DSCAML1: variants seen among roughly 807,000 people sequenced by gnomAD.
The protein encoded by DSCAML1 is cell adhesion molecule DSCAML1.
In DSCAML1, 38 loss-of-function variants were observed where a neutral mutation model predicts 200.5. That is an observed-to-expected ratio of 0.19 (90% CI 0.15 to 0.25). The LOEUF is 0.25. Ranked by LOEUF, DSCAML1 falls within the 10% of genes least tolerant of loss-of-function variation. The pLI, the probability that DSCAML1 is intolerant of heterozygous loss-of-function variation, is 1.00. For missense variants in DSCAML1, 2,223 were observed against 2,858.8 expected (o/e 0.78, Z 5.07); for synonymous variants, 1,215 against 1,165.0 (o/e 1.04, Z -0.87).
At chr11:117,711,151 T>C (rs17121106) in intron 3 of DSCAML1, among the ~76,000 whole-genome samples, 8,476 of 152,212 alleles carry the variant, frequency 0.056, 576 homozygotes, top group African/African-American at 0.17. Flanking sequence ...CCTTTATGCC[T>C]CAGGGTCATG....
intron 3 of DSCAML1, among the ~76,000 whole-genome samples, chr11:117,623,872 T>G (rs1266310999): frequency 6.6e-6 from 1 of 152,192 alleles, no homozygotes; most frequent in African/African-American, 2.4e-5. Flanking sequence ...GTTAGGTACT[T>G]CCATCACAGA....
chr11:117,613,099 G>C (rs1452167924), intron 3 of DSCAML1, among the ~76,000 whole-genome samples: 1 of 151,934 alleles, frequency 6.6e-6, no homozygotes, highest in Non-Finnish European at 1.5e-5. Flanking sequence ...TTCTGGGGTA[G>C]AGGGTCCATG....
chr11:117,758,387 A>C (rs1351166146), intron 3 of DSCAML1, among the ~76,000 whole-genome samples: 1 of 151,042 alleles, frequency 6.6e-6, no homozygotes, highest in Non-Finnish European at 1.5e-5. Flanking sequence ...TGCAGTTGGC[A>C]GAACTGTTTT....
At position 117,494,386 on chromosome 11, in the gene DSCAML1, GT is replaced by G. The variant is rs2049251394; in HGVS notation, c.2359+9458del. ...GACCACTGGCCAGATATGAGACCCG[GT>G]TACTGAACCCTGCCCTGAGATTTTG... On this transcript the variant is annotated intron_variant, in intron 11 of 32. Coordinates refer to ENST00000651296, the MANE Select transcript of DSCAML1 (RefSeq NM_020693.4). Among the ~76,000 whole-genome samples, 3 of 152,348 alleles carry G rather than the reference GT, an allele frequency of 2.0e-5. No individual in the cohort carries two copies. The South Asian group carries it at 6.2e-4, about 32-fold the overall frequency.
At chr11:117,561,414 C>T (rs1476590583) in intron 3 of DSCAML1, among the ~76,000 whole-genome samples, 1 of 152,174 alleles carries the variant, frequency 6.6e-6, no homozygotes, top group Non-Finnish European at 1.5e-5. Context: ...GTGATTCTGC[C>T]ACTCCTGCAC....
chr11:117,578,317 C>T (rs2050986144), intron 3 of DSCAML1, among the ~76,000 whole-genome samples: 1 of 151,684 alleles, frequency 6.6e-6, no homozygotes, highest in Non-Finnish European at 1.5e-5. Context: ...TCCCCCTTCT[C>T]CCTCACTGCC....
chr11:117,650,229 CAT>C (rs2052602417), intron 3 of DSCAML1, among the ~76,000 whole-genome samples: 1 of 152,216 alleles, frequency 6.6e-6, no homozygotes, highest in African/African-American at 2.4e-5. Context: ...CCACTCCCCA[CAT>C]GATTCTGAGG....
intron 3 of DSCAML1, among the ~76,000 whole-genome samples, chr11:117,570,978 T>G (rs2050839262): frequency 6.6e-6 from 1 of 152,236 alleles, no homozygotes; most frequent in Non-Finnish European, 1.5e-5. Context: ...ACATGGCAGC[T>G]GAGGGTAGAT....
At chr11:117,682,830 G>C (rs1256814757) in intron 3 of DSCAML1, among the ~76,000 whole-genome samples, 1 of 152,172 alleles carries the variant, frequency 6.6e-6, no homozygotes, top group Non-Finnish European at 1.5e-5. Context: ...AGGAAGGAAG[G>C]GAGAGAACTG....
intron 3 of DSCAML1, among the ~76,000 whole-genome samples, chr11:117,744,197 T>C (rs571506726): frequency 6.6e-6 from 1 of 152,352 alleles, no homozygotes; most frequent in South Asian, 2.1e-4. Flanking sequence ...ATCCTTATTT[T>C]TGAGATGACG....
intron 3 of DSCAML1, among the ~76,000 whole-genome samples, chr11:117,536,909 G>A (rs1191358523): frequency 6.6e-6 from 1 of 151,984 alleles, no homozygotes; most frequent in Non-Finnish European, 1.5e-5. Flanking sequence ...AGTATTTATT[G>A]AGTAGCTATT....
rs1178816571 is a variant in DSCAML1, at chr11:117,813,020, C to T, written c.-250+4370G>A. Reference sequence around the variant, plus strand: ...TGTCAGACATAATTCCTCAGTTTAGCCTTCCCACCTCTATACAGTCTGATA... The same window carrying T: ...TGTCAGACATAATTCCTCAGTTTAGTCTTCCCACCTCTATACAGTCTGATA... On this transcript the variant is annotated intron_variant, in intron 1 of 2. Transcript: ENST00000525836. Among the ~76,000 whole-genome samples, 5 of 152,198 alleles carry T rather than the reference C, an allele frequency of 3.3e-5. No individual in the cohort carries two copies. The East Asian group carries it at 7.7e-4, about 23-fold the overall frequency.
intron 3 of DSCAML1, among the ~76,000 whole-genome samples, chr11:117,674,585 G>A (rs973207291): frequency 7.2e-5 from 11 of 152,090 alleles, no homozygotes; most frequent in Non-Finnish European, 1.5e-4. Flanking sequence ...TAGTATCCCC[G>A]CAAGGTACCC....
chr11:117,586,510 C>T (rs1157832304), intron 3 of DSCAML1, among the ~76,000 whole-genome samples: 2 of 152,216 alleles, frequency 1.3e-5, no homozygotes, highest in African/African-American at 4.8e-5. Flanking sequence ...CCCAAGGTCA[C>T]AGAGCTGAGA....
Position 117,511,621 on chromosome 11 carries a change from A to C in DSCAML1, c.1783+4846T>G, listed in dbSNP as rs74859255. 2.5e-3 allele frequency among the ~76,000 whole-genome samples: 377 copies of C among 152,196 alleles called. 4 individuals are homozygous for C. The highest frequency in any genetic ancestry group is 8.7e-3 in the African/African-American group (362 of 41,534). ...GCTCTCCACTGCCAGCCAGTGTCACATATGCCAAGGCACACACAGCCTTCA... is the reference window on the plus strand; with the variant it reads ...GCTCTCCACTGCCAGCCAGTGTCACCTATGCCAAGGCACACACAGCCTTCA... On this transcript the variant is annotated intron_variant, in intron 8 of 32. Transcript: ENST00000651296.
At chr11:117,635,279 G>A (rs1020354433) in intron 3 of DSCAML1, among the ~76,000 whole-genome samples, 8 of 152,134 alleles carry the variant, frequency 5.3e-5, no homozygotes, top group Admixed American at 3.9e-4. Flanking sequence ...AGCTCTACTC[G>A]CCCATTCTTT....
chr11:117,428,492 T>A lies in DSCAML1; in HGVS notation c.5998A>T (p.Ser2000Cys). Residue 2000 changes from serine (S) to cysteine (C), a missense_variant, in exon 33 of 33, where the codon AGC becomes TGC. By Grantham distance (112) the Ser-to-Cys change is moderately radical. Coordinates refer to ENST00000651296, the MANE Select transcript of DSCAML1 (RefSeq NM_020693.4). ...GTGCTGGGGGCCGGAGGGGCAGCGC[T>A]GGGGGCGGTGGGTGGCTCAGCAGGG... is the stretch of plus-strand genomic sequence containing the variant. The part of the protein sequence containing the change: ...PTPAEPPTAP[S>C]AAPPAPSTEP... 5.0e-6 allele frequency: 6 copies of A among 1,208,802 alleles called. No individual in the cohort carries two copies. The highest frequency in any genetic ancestry group is 6.6e-6 in the Non-Finnish European group (6 of 910,030). 74.9% of individuals were successfully genotyped at this position (1,208,802 alleles called of 1,614,324 possible). A position where few individuals can be genotyped will look rare whatever the true frequency, so the allele number is the denominator to read the frequency against.
At chr11:117,769,501 A>ATATATATATTATATATATTT (rs1565274232) in intron 3 of DSCAML1, among the ~76,000 whole-genome samples, 1 of 5,644 alleles carries the variant, frequency 1.8e-4, no homozygotes, top group Non-Finnish European at 3.8e-4. Flanking sequence ...TATATATATA[A>ATATATATATTATATATATTT]TATATATTTT....
intron 11 of DSCAML1, among the ~76,000 whole-genome samples, chr11:117,500,376 G>T (rs1480065997): frequency 6.6e-6 from 1 of 152,180 alleles, no homozygotes; most frequent in East Asian, 1.9e-4. Flanking sequence ...CCTGAGAACG[G>T]CAGCTCTGTC....
Sources: allele counts gnomAD v4.1 joint callset (sites outside exome capture counted in the v4.1 genomes callset), GRCh38; gene constraint gnomAD v4.1.1; transcripts MANE v1.5; gene names NCBI Gene and HGNC (gene_info 2026-07-23, HGNC 2026-07-21).